TBC1D22A: variants seen among roughly 807,000 people sequenced by gnomAD.
TBC1D22A encodes TBC1 domain family member 22A, also known as putative GTPase activator.
TBC1D22A carries 38 observed loss-of-function variants against 60.2 expected under a neutral mutation model. That is an observed-to-expected ratio of 0.63 (90% CI 0.49 to 0.83). TBC1D22A has a LOEUF of 0.83. Among genes scored for constraint, TBC1D22A ranks in the 40% least tolerant of loss-of-function variants. The probability of loss-of-function intolerance (pLI) is 0.00; values close to 1 mark genes in which losing one functional copy is unlikely to be tolerated. For synonymous variants in TBC1D22A, 302 were observed against 281.7 expected, an observed-to-expected ratio of 1.07 and a Z score of -0.72; for missense variants, 628 against 701.0, an observed-to-expected ratio of 0.90 and a Z score of 1.18.
At chr22:46,973,168 C>T (rs73482679) in intron 8 of TBC1D22A, among the ~76,000 whole-genome samples, 5,346 of 152,318 alleles carry the variant, frequency 0.035, 257 homozygotes, top group African/African-American at 0.11. Flanking sequence ...GGACTGTACA[C>T]GACACGAATG....
chr22:46,975,474 C>A (rs369876977), intron 9 of TBC1D22A, among the ~76,000 whole-genome samples: 2 of 152,280 alleles, frequency 1.3e-5, no homozygotes, highest in East Asian at 1.9e-4. Context: ...CGGGTGTTCG[C>A]ATGTAGATGG....
rs189825735 is a variant in TBC1D22A at position 47,105,368 on chromosome 22, A to G, written c.1330-6140A>G. The stretch of plus-strand genomic sequence containing the variant: ...GTGCTTTTAAGAAACATAACCACAA[A>G]GGTGAGACTATCAGAGACCAGAAAT... On this transcript the variant is annotated intron_variant, in intron 11 of 12. Coordinates refer to ENST00000337137, the MANE Select transcript of TBC1D22A (RefSeq NM_014346.5). 1.2e-4 allele frequency among the ~76,000 whole-genome samples: 18 copies of G among 152,360 alleles called. No homozygotes were observed. The East Asian group carries it at 3.5e-3, about 29-fold the overall frequency.
chr22:47,149,788 T>G (rs2147169927), intron 12 of TBC1D22A, among the ~76,000 whole-genome samples: 1 of 152,336 alleles, frequency 6.6e-6, no homozygotes, highest in East Asian at 1.9e-4. Context: ...TGATGTCCTC[T>G]TGGGAAGGTT....
chr22:47,041,612 C>T (rs566765739), intron 11 of TBC1D22A, among the ~76,000 whole-genome samples: 21 of 152,204 alleles, frequency 1.4e-4, no homozygotes, highest in Admixed American at 3.3e-4. Flanking sequence ...TTCTCTGCGG[C>T]GTCCTGGGCT....
intron 8 of TBC1D22A, among the ~76,000 whole-genome samples, chr22:46,920,765 T>C (rs2070707019): frequency 7.7e-6 from 1 of 129,914 alleles, no homozygotes; most frequent in Admixed American, 8.4e-5. Context: ...GAAGTTAACA[T>C]TATGTTATTT....
At chr22:46,902,382 A>G (rs2069060663) in intron 7 of TBC1D22A, among the ~76,000 whole-genome samples, 1 of 152,236 alleles carries the variant, frequency 6.6e-6, no homozygotes, top group African/African-American at 2.4e-5. Context: ...CTTTTAATGA[A>G]TTCCCACTCT....
intron 1 of TBC1D22A, among the ~76,000 whole-genome samples, chr22:46,782,210 A>G (rs1407572725): frequency 6.6e-6 from 1 of 152,148 alleles, no homozygotes; most frequent in African/African-American, 2.4e-5. Context: ...GTGCACCATC[A>G]CACCCAGCTA....
intron 4 of TBC1D22A, among the ~76,000 whole-genome samples, chr22:46,872,767 G>A (rs1359999553): frequency 6.6e-6 from 1 of 152,174 alleles, no homozygotes; most frequent in Admixed American, 6.5e-5. Context: ...AATTGTATAG[G>A]GAGAGAACCC....
At chr22:46,837,074 A>G (rs750015296) in intron 4 of TBC1D22A, among the ~76,000 whole-genome samples, 12 of 151,986 alleles carry the variant, frequency 7.9e-5, no homozygotes, top group Non-Finnish European at 1.8e-4. Flanking sequence ...AACGTGAACT[A>G]TGATCACACC....
chr22:47,120,413 T>C (rs2066229760), intron 12 of TBC1D22A, among the ~76,000 whole-genome samples: 1 of 152,202 alleles, frequency 6.6e-6, no homozygotes, highest in Non-Finnish European at 1.5e-5. Context: ...CCATACAGTC[T>C]GCATGCACAC....
At chr22:46,849,755 G>A (rs934536715) in intron 4 of TBC1D22A, among the ~76,000 whole-genome samples, 9 of 152,200 alleles carry the variant, frequency 5.9e-5, no homozygotes, top group Admixed American at 3.3e-4. Flanking sequence ...AAAATGAGGT[G>A]CCGGATACAA....
chr22:47,114,594 G>A (rs1399290775), intron 12 of TBC1D22A, among the ~76,000 whole-genome samples: 4 of 152,084 alleles, frequency 2.6e-5, no homozygotes, highest in Non-Finnish European at 4.4e-5. Context: ...GACATTTTAG[G>A]AAGACGCTTC....
chr22:47,108,610 A>G (rs2065727899), intron 11 of TBC1D22A, among the ~76,000 whole-genome samples: 1 of 152,232 alleles, frequency 6.6e-6, no homozygotes, highest in Non-Finnish European at 1.5e-5. Context: ...TATGTCCACT[A>G]CCTCGGTTGT....
chr22:47,072,426 T>C (rs528804261), intron 11 of TBC1D22A, among the ~76,000 whole-genome samples: 1 of 152,372 alleles, frequency 6.6e-6, no homozygotes, highest in Admixed American at 6.5e-5. Context: ...AGCAGTGCAG[T>C]GCCTGGGCCT....
chr22:46,917,904 A>T (rs2070487287), intron 8 of TBC1D22A, among the ~76,000 whole-genome samples: 1 of 152,164 alleles, frequency 6.6e-6, no homozygotes, highest in Non-Finnish European at 1.5e-5. Flanking sequence ...TTGAGAGTCC[A>T]GGTGGCTCCT....
At chr22:46,847,283 T>C (rs2087045209) in intron 4 of TBC1D22A, among the ~76,000 whole-genome samples, 1 of 152,218 alleles carries the variant, frequency 6.6e-6, no homozygotes, top group South Asian at 2.1e-4. Context: ...GCAGGAGGCC[T>C]GGCCTCAGGT....
At chr22:46,866,791 G>T (rs1317360052) in intron 4 of TBC1D22A, among the ~76,000 whole-genome samples, 2 of 152,244 alleles carry the variant, frequency 1.3e-5, no homozygotes, top group Non-Finnish European at 1.5e-5. Context: ...CAGAATCACT[G>T]TGCTGGGCTG....
intron 4 of TBC1D22A, among the ~76,000 whole-genome samples, chr22:46,856,858 T>A (rs571277813): frequency 5.2e-5 from 8 of 152,398 alleles, no homozygotes; most frequent in Admixed American, 4.6e-4. Context: ...AATATTTGTT[T>A]GCATTTTGGA....
At chr22:46,854,074 C>T (rs1211389340) in intron 4 of TBC1D22A, among the ~76,000 whole-genome samples, 1 of 152,064 alleles carries the variant, frequency 6.6e-6, no homozygotes, top group Non-Finnish European at 1.5e-5. Flanking sequence ...TTCTGGACTT[C>T]TTGTTTTAAA....
Sources: gnomAD v4.1 joint callset for allele counts (sites outside exome capture counted in the v4.1 genomes callset) on GRCh38, gnomAD v4.1.1 for gene constraint, MANE v1.5 for transcripts, NCBI Gene and HGNC (gene_info 2026-07-23, HGNC 2026-07-21) for gene names.